SPOCK1: variants seen among roughly 807,000 people sequenced by gnomAD.
SPOCK1 encodes testican-1.
A neutral mutation model predicts 55.3 loss-of-function variants in SPOCK1; 23 were observed. The ratio of observed to expected loss-of-function variants is 0.42; its 90% CI spans 0.30 to 0.59. The LOEUF (loss-of-function observed/expected upper bound fraction) is 0.59, where lower values mean the gene tolerates loss of function less well. Ranked by LOEUF, SPOCK1 falls within the 20% of genes least tolerant of loss-of-function variation. SPOCK1 has a pLI of 0.22. For missense variants in SPOCK1, 499 were observed against 552.5 expected (o/e 0.90, Z 0.97); for synonymous variants, 226 against 221.0 (o/e 1.02, Z -0.20).
intron 3 of SPOCK1, among the ~76,000 whole-genome samples, chr5:137,219,146 T>C (rs1755797964): frequency 6.6e-6 from 1 of 152,220 alleles, no homozygotes; most frequent in African/African-American, 2.4e-5. Flanking sequence ...ACCCTCTTAA[T>C]TTGTCTAGTA....
At chr5:137,298,625 T>C (rs1314292111) in intron 2 of SPOCK1, among the ~76,000 whole-genome samples, 1 of 152,214 alleles carries the variant, frequency 6.6e-6, no homozygotes, top group Admixed American at 6.5e-5. Context: ...AATCTGTTTA[T>C]TTCTTCCTAT....
chr5:137,188,775 C>T (rs56219076), intron 3 of SPOCK1, among the ~76,000 whole-genome samples: 16,731 of 152,260 alleles, frequency 0.11, 1,183 homozygotes, highest in East Asian at 0.22. Flanking sequence ...GAAAGCATGT[C>T]GAAAGCCGAG....
intron 6 of SPOCK1, among the ~76,000 whole-genome samples, chr5:137,021,162 T>C (rs1372959242): frequency 6.6e-6 from 1 of 152,152 alleles, no homozygotes; most frequent in Non-Finnish European, 1.5e-5. Flanking sequence ...CCATCAAAAG[T>C]ATATGTTCTT....
chr5:137,283,987 G>T (rs1186119589), intron 2 of SPOCK1, among the ~76,000 whole-genome samples: 1 of 152,188 alleles, frequency 6.6e-6, no homozygotes, highest in Non-Finnish European at 1.5e-5. Flanking sequence ...GGAAGCAAAT[G>T]AATGTTTACT....
intron 3 of SPOCK1, among the ~76,000 whole-genome samples, chr5:137,200,318 G>A (rs1303074461): frequency 6.6e-6 from 1 of 152,138 alleles, no homozygotes; most frequent in Non-Finnish European, 1.5e-5. Context: ...CAGCTTCTCA[G>A]TGAGGCCTTT....
chr5:137,009,519 C>T (rs935843446), intron 6 of SPOCK1, among the ~76,000 whole-genome samples: 1 of 152,108 alleles, frequency 6.6e-6, no homozygotes, highest in Non-Finnish European at 1.5e-5. Flanking sequence ...AGAGCCTCTT[C>T]AAGCATACAC....
At chr5:137,169,912 T>G (rs978240921) in intron 3 of SPOCK1, among the ~76,000 whole-genome samples, 2 of 152,224 alleles carry the variant, frequency 1.3e-5, no homozygotes, top group Non-Finnish European at 2.9e-5. Flanking sequence ...GTAGCATTCA[T>G]TTCTGGCAGA....
At chr5:137,426,522 G>T (rs1752615479) in intron 2 of SPOCK1, among the ~76,000 whole-genome samples, 1 of 152,112 alleles carries the variant, frequency 6.6e-6, no homozygotes, top group Admixed American at 6.5e-5. Flanking sequence ...TCTAACAAGG[G>T]CAGCCTGGTG....
intron 3 of SPOCK1, among the ~76,000 whole-genome samples, chr5:137,244,147 G>C (rs1198317816): frequency 1.3e-5 from 2 of 152,016 alleles, no homozygotes; most frequent in Non-Finnish European, 2.9e-5. Context: ...AATAAAGAAA[G>C]GCACATAAAA....
In SPOCK1 at chr5:137,124,939, A is replaced by T. The variant is rs945367204; in HGVS notation, c.348-12378T>A. The stretch of plus-strand genomic sequence containing the variant: ...TTCTCAAGAACAGGGCCACTTTCAC[A>T]GCAGATTGACACATTACCTCCAGTT... On this transcript the variant is annotated intron_variant, in intron 4 of 10. Coordinates refer to ENST00000394945, the MANE Select transcript of SPOCK1 (RefSeq NM_004598.4). Among the ~76,000 whole-genome samples, 6 of 152,364 alleles carry T rather than the reference A, an allele frequency of 3.9e-5. No homozygotes were observed. In the South Asian group the frequency reaches 6.2e-4, roughly 16 times the overall value.
intron 7 of SPOCK1, among the ~76,000 whole-genome samples, chr5:136,990,133 A>C (rs907048482): frequency 6.6e-6 from 1 of 152,006 alleles, no homozygotes; most frequent in Admixed American, 6.6e-5. Context: ...GATGGTCTCG[A>C]TCTCCTGACC....
At chr5:137,377,086 C>T (rs184439692) in intron 2 of SPOCK1, among the ~76,000 whole-genome samples, 170 of 152,256 alleles carry the variant, frequency 1.1e-3, no homozygotes, top group African/African-American at 3.6e-3. Flanking sequence ...AGGGAGGAAC[C>T]GACGGGCAGT....
In SPOCK1 at chr5:137,015,176, C is replaced by T. The variant is rs571908678; in HGVS notation, c.590-22576G>A. On this transcript the variant is annotated intron_variant, in intron 6 of 10. Transcript: ENST00000394945. ...AACAGAGCAGGCCAGGCACGGTGGC[C>T]CATGCCTGTAATCCCAGGACTTTGG... is the stretch of plus-strand genomic sequence containing the variant. 2.4e-4 allele frequency among the ~76,000 whole-genome samples: 37 copies of T among 151,982 alleles called. No homozygotes were observed. The East Asian group carries it at 6.4e-3, about 26-fold the overall frequency.
chr5:137,215,074 G>A (rs1408109156), intron 3 of SPOCK1, among the ~76,000 whole-genome samples: 1 of 152,222 alleles, frequency 6.6e-6, no homozygotes, highest in Admixed American at 6.5e-5. Context: ...ATTGGCTAGT[G>A]TGGGTGGGTA....
intron 5 of SPOCK1, among the ~76,000 whole-genome samples, chr5:137,091,090 GGA>G (rs1753047089): frequency 6.6e-6 from 1 of 152,160 alleles, no homozygotes; most frequent in Non-Finnish European, 1.5e-5. Context: ...CACGAGCATA[GGA>G]GAGTTGGCTA....
chr5:136,992,346 T>C lies in SPOCK1; in HGVS notation c.706+138A>G, dbSNP rs189264071. 1.9e-5 allele frequency: 13 copies of C among 670,294 alleles called. 1 individual carries two copies. In the South Asian group the frequency reaches 3.4e-4, roughly 17 times the overall value. 41.5% of individuals were successfully genotyped at this position (670,294 alleles called of 1,614,324 possible). ...TATACTAAACATTTTTTAATCCAACTTTTTTTTGAGATTGGGACATATTTA... is the reference window on the plus strand; with the variant it reads ...TATACTAAACATTTTTTAATCCAACCTTTTTTTGAGATTGGGACATATTTA... On this transcript the variant is annotated intron_variant, in intron 7 of 10. Coordinates refer to ENST00000394945, the MANE Select transcript of SPOCK1 (RefSeq NM_004598.4).
At chr5:137,116,603 A>T (rs980674088) in intron 4 of SPOCK1, among the ~76,000 whole-genome samples, 2 of 151,984 alleles carry the variant, frequency 1.3e-5, no homozygotes, top group South Asian at 2.1e-4. Context: ...CCGAGATCAT[A>T]CCACTGCACT....
intron 2 of SPOCK1, among the ~76,000 whole-genome samples, chr5:137,312,511 G>T (rs1014110471): frequency 4.6e-5 from 7 of 151,954 alleles, no homozygotes; most frequent in Admixed American, 1.3e-4. Flanking sequence ...AATTTTGGTT[G>T]TTTTTTTTAA....
At chr5:137,237,367 T>C (rs943154345) in intron 3 of SPOCK1, among the ~76,000 whole-genome samples, 1 of 152,032 alleles carries the variant, frequency 6.6e-6, no homozygotes, top group Admixed American at 6.6e-5. Flanking sequence ...ATCTACTTAG[T>C]CCCAGGAAGG....
Sources: gnomAD v4.1 joint callset for allele counts (sites outside exome capture counted in the v4.1 genomes callset) on GRCh38, gnomAD v4.1.1 for gene constraint, MANE v1.5 for transcripts, NCBI Gene and HGNC (gene_info 2026-07-23, HGNC 2026-07-21) for gene names.